The following GLG1 variants were observed in gnomAD, a reference collection of about 807,000 sequenced individuals.
GLG1 encodes golgi glycoprotein 1.
GLG1 carries 38 observed loss-of-function variants against 160.5 expected under a neutral mutation model. The ratio of observed to expected loss-of-function variants is 0.24; its 90% CI spans 0.18 to 0.31. GLG1 has a LOEUF of 0.31. Among genes scored for constraint, GLG1 ranks in the 10% least tolerant of loss-of-function variants. The pLI, the probability that GLG1 is intolerant of heterozygous loss-of-function variation, is 1.00. For missense variants in GLG1, 1,373 were observed against 1,505.2 expected (o/e 0.91, Z 1.45); for synonymous variants, 644 against 543.4 (o/e 1.19, Z -2.57).
chr16:74,511,246 G>A (rs1335735759), intron 2 of GLG1, among the ~76,000 whole-genome samples: 1 of 152,114 alleles, frequency 6.6e-6, no homozygotes, highest in Non-Finnish European at 1.5e-5. Context: ...AATTCTGTAT[G>A]AGTGCTGAGG....
Position 74,606,853 on chromosome 16 carries a change from T to A in GLG1, c.242A>T (p.Gln81Leu), listed in dbSNP as rs1410871895. The change falls in exon 1 of 26, where the codon CAG becomes CTG. Residue 81 changes from glutamine (Q) to leucine (L), a missense_variant. Gln to Leu is a moderately radical substitution (Grantham distance 113, BLOSUM62 -2). Transcript: ENST00000422840. ...CTGCGGCGGCTGAGGCTGCTGTTGCTGTTGCTGCTGCTGCTGTTGCTGCTG... is the reference window on the plus strand; with the variant it reads ...CTGCGGCGGCTGAGGCTGCTGTTGCAGTTGCTGCTGCTGCTGTTGCTGCTG... ...QLQQQQQQQQQQQQPQPPQPP... is the reference protein window; with the variant it reads ...QLQQQQQQQQLQQQPQPPQPP... 4.4e-6 allele frequency: 7 copies of A among 1,598,242 alleles called. No homozygotes were observed. Among genetic ancestry groups the A allele is most frequent in the Non-Finnish European group, 6.0e-6 (7 of 1,173,436 alleles).
At chr16:74,478,682 C>A (rs958258831) in intron 11 of GLG1, among the ~76,000 whole-genome samples, 1 of 151,522 alleles carries the variant, frequency 6.6e-6, no homozygotes, top group Admixed American at 6.6e-5. Flanking sequence ...GAGGCTGAGG[C>A]GGGCAGATCA....
At chr16:74,543,178 T>C (rs2017951347) in intron 1 of GLG1, among the ~76,000 whole-genome samples, 1 of 152,176 alleles carries the variant, frequency 6.6e-6, no homozygotes, top group East Asian at 1.9e-4. Context: ...TTCTGAAGAG[T>C]ACAGCTTGGA....
intron 2 of GLG1, among the ~76,000 whole-genome samples, chr16:74,518,993 C>T (rs1180680486): frequency 3.9e-5 from 6 of 151,992 alleles, no homozygotes; most frequent in Admixed American, 3.9e-4. Flanking sequence ...AGGCATATAC[C>T]TAAAGGATTA....
intron 2 of GLG1, among the ~76,000 whole-genome samples, chr16:74,513,196 G>C (rs1359356784): frequency 6.6e-6 from 1 of 152,048 alleles, no homozygotes; most frequent in Non-Finnish European, 1.5e-5. Context: ...ACTGGAGAAG[G>C]GCAGGATTTA....
rs1567464953 is a variant in GLG1 at position 74,472,387 on chromosome 16, T to A, written c.2077A>T (p.Met693Leu). Residue 693 changes from methionine to leucine, a missense_variant, in exon 14 of 26, where the codon ATG becomes TTG. By Grantham distance (15) the Met-to-Leu change is conservative. This residue lies in a region of GLG1 where 491 missense variants were observed against 632.1 expected (regional missense o/e 0.78). Transcript: ENST00000422840. ...SEDIQIEALL[M>L]RACEPIIQNF... ...TGAATTATGGGCTCACAGGCTCTCATCAGCAAGGCTTCTATTTGAATATCC... is the reference window on the plus strand; with the variant it reads ...TGAATTATGGGCTCACAGGCTCTCAACAGCAAGGCTTCTATTTGAATATCC... The A allele has an allele frequency of 6.2e-7, 1 of 1,611,048 alleles. No homozygotes were observed. The highest frequency in any genetic ancestry group is 8.5e-7 in the Non-Finnish European group (1 of 1,177,246).
intron 11 of GLG1, among the ~76,000 whole-genome samples, chr16:74,478,964 G>C (rs994096325): frequency 2.1e-5 from 3 of 145,188 alleles, no homozygotes; most frequent in Admixed American, 7.2e-5. Flanking sequence ...CCAGCACTTT[G>C]GGAGGCCCAG....
intron 1 of GLG1, among the ~76,000 whole-genome samples, chr16:74,579,081 A>AT (rs1567535932): frequency 6.6e-6 from 1 of 152,230 alleles, no homozygotes; most frequent in African/African-American, 2.4e-5. Flanking sequence ...AGTTAAATTC[A>AT]TAAGTTGTTT....
At chr16:74,487,236 G>T (rs375287387) in intron 8 of GLG1, among the ~76,000 whole-genome samples, 4 of 152,168 alleles carry the variant, frequency 2.6e-5, no homozygotes, top group Middle Eastern at 6.8e-3. Flanking sequence ...AATAGAAAGC[G>T]AATTTGAAAA....
intron 4 of GLG1, among the ~76,000 whole-genome samples, chr16:74,502,784 ATGGTCT>A (rs2016456852): frequency 7.5e-6 from 1 of 133,382 alleles, no homozygotes; most frequent in African/African-American, 2.9e-5. Context: ...GTTAGCCAGG[ATGGTCT>A]TGATCTCCTG....
intron 1 of GLG1, among the ~76,000 whole-genome samples, chr16:74,536,330 ATTT>A (rs960280346): frequency 1.3e-5 from 2 of 152,056 alleles, no homozygotes; most frequent in African/African-American, 4.8e-5. Context: ...AAAACTGAGG[ATTT>A]TTTTTCTTCC....
chr16:74,486,043 T>A, intron 8 of GLG1, 126 bp from the exon 9 acceptor site: 1 of 676,790 alleles, frequency 1.5e-6, no homozygotes, highest in Non-Finnish European at 2.5e-6. Context: ...TTGTCTACAG[T>A]TGTCACTAGC....
intron 2 of GLG1, among the ~76,000 whole-genome samples, chr16:74,515,238 G>A (rs548260894): frequency 4.6e-5 from 7 of 152,208 alleles, no homozygotes; most frequent in Non-Finnish European, 7.4e-5. Flanking sequence ...ACATATCAAC[G>A]AGACAGAAAA....
intron 9 of GLG1, 133 bp from the exon 10 acceptor site, chr16:74,483,257 A>C (rs2303281): frequency 3.3e-6 from 2 of 613,218 alleles, no homozygotes; most frequent in African/African-American, 1.8e-5. Flanking sequence ...TTTTCTAAGA[A>C]TCACTCAAAT....
At chr16:74,541,707 G>A (rs996936824) in intron 1 of GLG1, among the ~76,000 whole-genome samples, 5 of 152,062 alleles carry the variant, frequency 3.3e-5, no homozygotes, top group East Asian at 1.9e-4. Context: ...CAACAAAAAC[G>A]TTACTGCTAT....
At chr16:74,600,421 A>G (rs1291828972) in intron 1 of GLG1, among the ~76,000 whole-genome samples, 5 of 152,016 alleles carry the variant, frequency 3.3e-5, no homozygotes, top group African/African-American at 1.2e-4. Context: ...GGACAAAGCT[A>G]AAGTAGACAG....
At chr16:74,570,632 T>C (rs1447720128) in intron 1 of GLG1, among the ~76,000 whole-genome samples, 1 of 152,152 alleles carries the variant, frequency 6.6e-6, no homozygotes, top group African/African-American at 2.4e-5. Context: ...ACAGTGGCTC[T>C]CATCTGTAAT....
chr16:74,452,915 G>A lies in GLG1; in HGVS notation c.*252C>T. The A allele has an allele frequency of 8.4e-7, 1 of 1,187,594 alleles. No individual in the cohort carries two copies. The highest frequency in any genetic ancestry group is 1.0e-6 in the Non-Finnish European group (1 of 959,064). 73.6% of individuals were successfully genotyped at this position (1,187,594 alleles called of 1,614,324 possible). A position where few individuals can be genotyped will look rare whatever the true frequency, so the allele number is the denominator to read the frequency against. On this transcript the variant is annotated 3_prime_UTR_variant, in exon 26 of 26. Transcript: ENST00000422840. ...TGGTATGAGAGAGACTTGTCTACAG[G>A]CAGGTAAACCCAAGTTTGCCAAACA...
intron 1 of GLG1, among the ~76,000 whole-genome samples, chr16:74,542,658 GC>G (rs1322183334): frequency 7.2e-6 from 1 of 138,744 alleles, no homozygotes; most frequent in Non-Finnish European, 1.5e-5. Flanking sequence ...GGTGACAAAA[GC>G]GAAACTCTGT....
Sources: gnomAD v4.1 joint callset for allele counts (sites outside exome capture counted in the v4.1 genomes callset) on GRCh38, gnomAD v4.1.1 for gene constraint, gnomAD v4.1.1 regional missense constraint, MANE v1.5 for transcripts, NCBI Gene and HGNC (gene_info 2026-07-23, HGNC 2026-07-21) for gene names.